UBE4B: variants seen among roughly 807,000 people sequenced by gnomAD.
UBE4B encodes ubiquitination factor E4B.
UBE4B carries 27 observed loss-of-function variants against 148.1 expected under a neutral mutation model. That is an observed-to-expected ratio of 0.18 (90% CI 0.13 to 0.25). The LOEUF is 0.25. Ranked by LOEUF, UBE4B falls within the 10% of genes least tolerant of loss-of-function variation. UBE4B has a pLI of 1.00. For synonymous variants in UBE4B, 596 were observed against 619.3 expected (o/e 0.96, Z 0.56); for missense variants, 1,170 against 1,662.4 (o/e 0.70, Z 5.15).
intron 8 of UBE4B, 121 bp downstream of exon 8, chr1:10,117,721 T>C (rs1645335954): frequency 2.4e-6 from 3 of 1,255,860 alleles, no homozygotes; most frequent in Non-Finnish European, 3.2e-6. Flanking sequence ...ATTTGCCATG[T>C]GCCAGGCACA....
chr1:10,059,806 G>A (rs1344508907), intron 1 of UBE4B, among the ~76,000 whole-genome samples: 1 of 152,088 alleles, frequency 6.6e-6, no homozygotes, highest in African/African-American at 2.4e-5. Flanking sequence ...TTAATTTTAG[G>A]CATTTTTTTT....
At chr1:10,172,159 G>A (rs1646348365) in intron 25 of UBE4B, among the ~76,000 whole-genome samples, 1 of 152,094 alleles carries the variant, frequency 6.6e-6, no homozygotes, top group Non-Finnish European at 1.5e-5. Context: ...TCTCCTGTGA[G>A]CAGATCTGTC....
Position 10,161,374 on chromosome 1 carries a change from G to A in UBE4B, c.3198+88G>A. ...AGCTGCTTTGGGGCTGCATTTGTGGGTCTGATGATATGCGATCTGACATGC... is the reference window on the plus strand; with the variant it reads ...AGCTGCTTTGGGGCTGCATTTGTGGATCTGATGATATGCGATCTGACATGC... On this transcript the variant is annotated intron_variant, in intron 23 of 27. Transcript: ENST00000343090. This position sits in a 1 kb window ranked among gnomAD's most constrained non-coding sequence, Gnocchi z 4.1. 1 of 1,481,482 alleles carries A rather than the reference G, an allele frequency of 6.7e-7. No homozygotes were observed. The highest frequency in any genetic ancestry group is 9.1e-7 in the Non-Finnish European group (1 of 1,095,106). The allele number at this position is 1,481,482 out of a possible 1,614,324, so 91.8% of individuals were successfully genotyped here.
At position 10,106,545 on chromosome 1, in the gene UBE4B, C is replaced by A. The variant is rs756609895; in HGVS notation, c.1158C>A (p.Ala386=). The change falls in exon 7 of 28, where the codon GCC becomes GCA. Residue 386 remains alanine, a synonymous_variant. Coordinates refer to ENST00000343090, the MANE Select transcript of UBE4B (RefSeq NM_001105562.3). This position sits in a 1 kb window ranked among gnomAD's most constrained non-coding sequence, Gnocchi z 4.2. The stretch of plus-strand genomic sequence containing the variant: ...CCCTACCACCCGCCTCACCCAGTGC[C>A]ACGAGCAGACGCCCCTCCTCCCTGA... ...GPPLPPASPS[A]TSRRPSSLRI... 5.6e-5 allele frequency: 89 copies of A among 1,592,658 alleles called. No individual in the cohort carries two copies. The highest frequency in any genetic ancestry group is 7.1e-5 in the Admixed American group (4 of 56,728).
chr1:10,108,910 A>G (rs1645167130), intron 7 of UBE4B, among the ~76,000 whole-genome samples: 3 of 152,060 alleles, frequency 2.0e-5, no homozygotes, highest in African/African-American at 7.2e-5. Context: ...TTTTACTGTA[A>G]ATTTTCTGTG....
intron 3 of UBE4B, among the ~76,000 whole-genome samples, chr1:10,097,539 A>G (rs1347908969): frequency 6.6e-6 from 1 of 152,178 alleles, no homozygotes; most frequent in Non-Finnish European, 1.5e-5. Context: ...GGCCAGGAGC[A>G]GTGGCTTACG....
At chr1:10,172,658 C>T (rs1646355068) in intron 25 of UBE4B, among the ~76,000 whole-genome samples, 1 of 152,132 alleles carries the variant, frequency 6.6e-6, no homozygotes, top group East Asian at 1.9e-4. Context: ...ACCCATATCT[C>T]ATCCAAAGGA....
rs906236630 is a variant in UBE4B at position 10,168,486 on chromosome 1, C to T, written c.3333+216C>T. Among the ~76,000 whole-genome samples, 6 of 152,238 alleles carry T rather than the reference C, an allele frequency of 3.9e-5. No homozygotes were observed. The highest frequency in any genetic ancestry group is 7.3e-5 in the Non-Finnish European group (5 of 68,050). On this transcript the variant is annotated intron_variant, in intron 24 of 27. Coordinates refer to ENST00000343090, the MANE Select transcript of UBE4B (RefSeq NM_001105562.3). The surrounding 1 kb of genome is among the most constrained non-coding windows in gnomAD (Gnocchi z 4.9). ...ATGTCTGATGTCACCACATAGTCTA[C>T]AGCCACTTCCAAATGCCTTACTGCA...
intron 15 of UBE4B, among the ~76,000 whole-genome samples, chr1:10,134,354 T>C (rs1295047903): frequency 1.1e-4 from 17 of 151,402 alleles, no homozygotes; most frequent in Non-Finnish European, 5.9e-5. Context: ...CTACTAAAAA[T>C]ACAAAAAATT....
At chr1:10,103,639 T>TG (rs1645054557) in intron 5 of UBE4B, among the ~76,000 whole-genome samples, 3 of 147,608 alleles carry the variant, frequency 2.0e-5, no homozygotes, top group Admixed American at 2.0e-4. Context: ...TTTGTTTTTT[T>TG]TTTTTTTTTT....
At chr1:10,134,702 C>A (rs1370243051) in intron 15 of UBE4B, among the ~76,000 whole-genome samples, 1 of 152,090 alleles carries the variant, frequency 6.6e-6, no homozygotes, top group Non-Finnish European at 1.5e-5. Flanking sequence ...TGCTTTCTTA[C>A]AAAGTTTGCC....
intron 2 of UBE4B, among the ~76,000 whole-genome samples, chr1:10,075,114 T>G (rs1206543286): frequency 6.6e-6 from 1 of 152,190 alleles, no homozygotes; most frequent in Admixed American, 6.5e-5. Flanking sequence ...ATAGTAAATA[T>G]TTTTGGCTTT....
chr1:10,176,400 C>T (rs983175585), intron 25 of UBE4B, among the ~76,000 whole-genome samples: 1 of 152,118 alleles, frequency 6.6e-6, no homozygotes, highest in Non-Finnish European at 1.5e-5. Flanking sequence ...CCATGTTTAA[C>T]TTTTTGAGGG....
intron 7 of UBE4B, among the ~76,000 whole-genome samples, chr1:10,116,574 A>G (rs1052761703): frequency 7.2e-5 from 11 of 152,080 alleles, no homozygotes; most frequent in Non-Finnish European, 1.2e-4. Flanking sequence ...TGTATATCAA[A>G]TCCGTTTGTG....
intron 23 of UBE4B, among the ~76,000 whole-genome samples, chr1:10,162,620 T>TC (rs1434497632): frequency 9.4e-4 from 143 of 151,900 alleles, no homozygotes; most frequent in African/African-American, 3.2e-3. Flanking sequence ...TTTTTTTTTT[T>TC]TTTTCTTTTT....
At chr1:10,157,145 G>C (rs1349929657) in intron 21 of UBE4B, among the ~76,000 whole-genome samples, 1 of 152,138 alleles carries the variant, frequency 6.6e-6, no homozygotes, top group Non-Finnish European at 1.5e-5. Flanking sequence ...CTCCTGAGTA[G>C]CTGGAATTAT....
At chr1:10,063,589 T>C (rs1007022012) in intron 1 of UBE4B, among the ~76,000 whole-genome samples, 2 of 152,130 alleles carry the variant, frequency 1.3e-5, no homozygotes, top group Non-Finnish European at 2.9e-5. Flanking sequence ...CTCCACACAG[T>C]AGCTAGAGTG....
chr1:10,050,003 A>G (rs143069062), intron 1 of UBE4B, among the ~76,000 whole-genome samples: 138 of 152,308 alleles, frequency 9.1e-4, no homozygotes, highest in Admixed American at 2.5e-3. Context: ...AATTGATGAT[A>G]GAAATATGAG....
In UBE4B at chr1:10,126,824, C is replaced by T; in HGVS notation, c.1585C>T (p.Leu529Phe). 1 of 1,614,060 alleles carries T rather than the reference C, an allele frequency of 6.2e-7. No individual in the cohort carries two copies. The highest frequency in any genetic ancestry group is 8.5e-7 in the Non-Finnish European group (1 of 1,179,974). The stretch of plus-strand genomic sequence containing the variant: ...TATCCCCATTTTACAAGGCCTGGCT[C>T]TTGCTGCCAAAGAGTGCTCCCTCGA... Reference protein sequence around the residue: ...IFIPILQGLALAAKECSLDSD... With the variant: ...IFIPILQGLAFAAKECSLDSD... Residue 529 changes from leucine (L) to phenylalanine (F), a missense_variant, in exon 11 of 28, where the codon CTT becomes TTT. Around this residue, in one of 6 missense-constraint regions of UBE4B, gnomAD observed 388 missense variants for 536.0 expected, o/e 0.72. Coordinates refer to ENST00000343090, the MANE Select transcript of UBE4B (RefSeq NM_001105562.3).
Sources: gnomAD v4.1 joint callset for allele counts (sites outside exome capture counted in the v4.1 genomes callset) on GRCh38, gnomAD v4.1.1 for gene constraint, gnomAD v4.1.1 regional missense constraint, Gnocchi (gnomAD v3.1) non-coding constraint, MANE v1.5 for transcripts, NCBI Gene and HGNC (gene_info 2026-07-23, HGNC 2026-07-21) for gene names.